The following CDKAL1 variants were observed in gnomAD, a reference collection of about 807,000 sequenced individuals.
The protein encoded by CDKAL1 is threonylcarbamoyladenosine tRNA methylthiotransferase.
CDKAL1 carries 32 observed loss-of-function variants against 68.2 expected under a neutral mutation model. The observed-to-expected ratio is 0.47, with a 90% CI of 0.35 to 0.63. The LOEUF (loss-of-function observed/expected upper bound fraction) is 0.63. Among genes scored for constraint, CDKAL1 ranks in the 30% least tolerant of loss-of-function variants. CDKAL1 has a pLI of 0.00. For synonymous variants in CDKAL1, 234 were observed against 244.3 expected, an observed-to-expected ratio of 0.96 and a Z score of 0.39; for missense variants, 606 against 696.7, an observed-to-expected ratio of 0.87 and a Z score of 1.47.
chr6:20,584,610 G>A (rs1020867142), intron 4 of CDKAL1, among the ~76,000 whole-genome samples: 2 of 152,196 alleles, frequency 1.3e-5, no homozygotes, highest in Non-Finnish European at 2.9e-5. Context: ...TCCTTGGTGA[G>A]TTAAGGCTTA....
At chr6:20,977,358 A>ATCC (rs1311506687) in intron 10 of CDKAL1, among the ~76,000 whole-genome samples, 1 of 152,218 alleles carries the variant, frequency 6.6e-6, no homozygotes, top group African/African-American at 2.4e-5. Flanking sequence ...AGTTAAATTG[A>ATCC]TAATAAAAGG....
chr6:21,172,520 C>T (rs966678736), intron 13 of CDKAL1, among the ~76,000 whole-genome samples: 7 of 152,124 alleles, frequency 4.6e-5, no homozygotes, highest in African/African-American at 1.4e-4. Context: ...GAGGCAGAGG[C>T]GGGCAGATCG....
rs963134802 is a variant in CDKAL1 at position 20,635,890 on chromosome 6, A to AT, written c.287-13397dup. On this transcript the variant is annotated intron_variant, in intron 4 of 15. Transcript: ENST00000274695. Reference sequence around the variant, plus strand: ...CCCAAAGAAACAGGTAAACTTTAGTATTTTTTATAGTAGGTTTGAAGAAGA... The same window carrying AT: ...CCCAAAGAAACAGGTAAACTTTAGTATTTTTTTATAGTAGGTTTGAAGAAGA... 2.9e-4 allele frequency among the ~76,000 whole-genome samples: 44 copies of AT among 152,196 alleles called. 1 individual carries two copies. Among genetic ancestry groups the AT allele is most frequent in the Admixed American group, 2.5e-3 (38 of 15,288 alleles).
chr6:20,623,036 T>C (rs1205025824), intron 4 of CDKAL1, among the ~76,000 whole-genome samples: 1 of 152,128 alleles, frequency 6.6e-6, no homozygotes, highest in Non-Finnish European at 1.5e-5. Context: ...AATTATATTG[T>C]TTTTGTATGG....
At chr6:21,105,740 T>G (rs1229089495) in intron 12 of CDKAL1, among the ~76,000 whole-genome samples, 3 of 152,098 alleles carry the variant, frequency 2.0e-5, no homozygotes, top group African/African-American at 7.2e-5. Context: ...CTCCTGGCAG[T>G]TGGAATAACA....
In CDKAL1 at chr6:21,231,272, C is replaced by G. The variant is rs1582463167; in HGVS notation, c.*233C>G. The G allele has an allele frequency of 5.5e-6, 2 of 366,224 alleles. No homozygotes were observed. The highest frequency in any genetic ancestry group is 8.0e-5 in the East Asian group (2 of 25,140). The allele number at this position is 366,224 out of a possible 1,614,324, so 22.7% of individuals were successfully genotyped here. A position where few individuals can be genotyped will look rare whatever the true frequency, so the allele number is the denominator to read the frequency against. On this transcript the variant is annotated 3_prime_UTR_variant, in exon 16 of 16. Transcript: ENST00000274695. ...ACCATAGCACATCCTTCAAATTAAACTGCTTTTGGTTTACTTTTAGCAAGA... is the reference window on the plus strand; with the variant it reads ...ACCATAGCACATCCTTCAAATTAAAGTGCTTTTGGTTTACTTTTAGCAAGA...
intron 4 of CDKAL1, among the ~76,000 whole-genome samples, chr6:20,568,712 G>A (rs1165505735): frequency 7.1e-6 from 1 of 141,272 alleles, no homozygotes; most frequent in Non-Finnish European, 1.5e-5. Flanking sequence ...TCCAGCCTGG[G>A]CGACAGAGCG....
intron 13 of CDKAL1, among the ~76,000 whole-genome samples, chr6:21,150,147 C>T (rs1215197941): frequency 1.3e-5 from 2 of 152,152 alleles, no homozygotes; most frequent in Admixed American, 6.5e-5. Flanking sequence ...CGGGAGCCAC[C>T]GCACCTGGCC....
intron 12 of CDKAL1, among the ~76,000 whole-genome samples, chr6:21,069,949 C>T (rs1771677540): frequency 6.6e-6 from 1 of 151,706 alleles, no homozygotes; most frequent in South Asian, 2.1e-4. Context: ...GCCACCACGC[C>T]CGGCTAATTT....
At chr6:20,853,010 TATTTAG>T (rs2150507589) in intron 9 of CDKAL1, among the ~76,000 whole-genome samples, 1 of 152,370 alleles carries the variant, frequency 6.6e-6, no homozygotes, top group East Asian at 1.9e-4. Flanking sequence ...CTGCTGCAAC[TATTTAG>T]TTCTGCCCTT....
At chr6:20,974,858 A>G (rs1007807630) in intron 10 of CDKAL1, among the ~76,000 whole-genome samples, 1 of 151,194 alleles carries the variant, frequency 6.6e-6, no homozygotes, top group African/African-American at 2.4e-5. Context: ...ATGCTCCTGT[A>G]GTACCCCCTA....
chr6:20,733,862 G>T (rs902347683), intron 5 of CDKAL1, among the ~76,000 whole-genome samples: 1 of 152,030 alleles, frequency 6.6e-6, no homozygotes, highest in African/African-American at 2.4e-5. Flanking sequence ...TTAAGATTTT[G>T]TACAGGCCGG....
rs1049201535 is a variant in CDKAL1, at chr6:21,034,474, A to C, written c.1056-30574A>C. Among the ~76,000 whole-genome samples the C allele has an allele frequency of 2.2e-4, 33 of 152,344 alleles. 2 individuals are homozygous for C. The Middle Eastern group carries it at 0.031, about 141-fold the overall frequency. ...AATAAAAATTAATGTTTGGAATTACACCTGTTTTGTTTCACATAAGTGGCC... is the reference window on the plus strand; with the variant it reads ...AATAAAAATTAATGTTTGGAATTACCCCTGTTTTGTTTCACATAAGTGGCC... On this transcript the variant is annotated intron_variant, in intron 11 of 15. Coordinates refer to ENST00000274695, the MANE Select transcript of CDKAL1 (RefSeq NM_017774.3).
In CDKAL1 at chr6:21,197,931, G is replaced by C. The variant is rs1778535667; in HGVS notation, c.1300-90G>C. ...ATTCAAGAAGACGCTACTTGGTCCA[G>C]ACCTACCTGGGCTAGCCTTTATTTT... On this transcript the variant is annotated intron_variant, in intron 13 of 15. Transcript: ENST00000274695. 3 of 719,230 alleles carry C rather than the reference G, an allele frequency of 4.2e-6. No homozygotes were observed. In the Admixed American group the frequency reaches 7.9e-5, roughly 19 times the overall value. 44.6% of individuals were successfully genotyped at this position (719,230 alleles called of 1,614,324 possible). A position where few individuals can be genotyped will look rare whatever the true frequency, so the allele number is the denominator to read the frequency against.
chr6:21,072,676 C>CTTTTTTTTTTTT (rs66763305), intron 12 of CDKAL1, among the ~76,000 whole-genome samples: 2 of 131,192 alleles, frequency 1.5e-5, no homozygotes, highest in Non-Finnish European at 1.6e-5. Flanking sequence ...AATAGAGTAT[C>CTTTTTTTTTTTT]TTTTTTTTTT....
chr6:20,630,789 G>C (rs1010407370), intron 4 of CDKAL1, among the ~76,000 whole-genome samples: 1 of 152,118 alleles, frequency 6.6e-6, no homozygotes, highest in African/African-American at 2.4e-5. Context: ...CTGGTTTCCA[G>C]CTTAAGACAC....
chr6:20,657,320 T>A (rs774979352), intron 5 of CDKAL1, among the ~76,000 whole-genome samples: 7 of 152,168 alleles, frequency 4.6e-5, no homozygotes, highest in African/African-American at 7.2e-5. Context: ...TTGCTTCTCC[T>A]TCTGTTGCAC....
intron 11 of CDKAL1, among the ~76,000 whole-genome samples, chr6:21,049,930 A>AT (rs1448997878): frequency 6.6e-6 from 1 of 151,098 alleles, no homozygotes; most frequent in African/African-American, 2.4e-5. Context: ...AGTTTGTTGC[A>AT]TTTTAAATTC....
intron 8 of CDKAL1, among the ~76,000 whole-genome samples, chr6:20,790,402 A>G (rs1024536926): frequency 6.6e-6 from 1 of 152,160 alleles, no homozygotes; most frequent in Middle Eastern, 3.2e-3. Flanking sequence ...GCATTGTGAA[A>G]AACCATGTCT....
Sources: gnomAD v4.1 joint callset for allele counts (sites outside exome capture counted in the v4.1 genomes callset) on GRCh38, gnomAD v4.1.1 for gene constraint, MANE v1.5 for transcripts, NCBI Gene and HGNC (gene_info 2026-07-23, HGNC 2026-07-21) for gene names.